UBAP2: variants seen among roughly 807,000 people sequenced by gnomAD.
The protein encoded by UBAP2 is ubiquitin-associated protein 2.
A neutral mutation model predicts 139.6 loss-of-function variants in UBAP2; 75 were observed. That is an observed-to-expected ratio of 0.54 (90% CI 0.45 to 0.65). UBAP2 has a LOEUF of 0.65. UBAP2 is among the 30% of genes least tolerant of loss of function. The probability of loss-of-function intolerance (pLI) is 0.00; values close to 1 mark genes in which losing one functional copy is unlikely to be tolerated. For missense variants in UBAP2, 1,368 were observed against 1,369.6 expected (o/e 1.00, Z 0.02); for synonymous variants, 526 against 526.2 (o/e 1.00, Z 0.01).
At chr9:33,936,948 A>C (rs941600418) in intron 16 of UBAP2, among the ~76,000 whole-genome samples, 2 of 146,500 alleles carry the variant, frequency 1.4e-5, no homozygotes, top group African/African-American at 4.9e-5. Flanking sequence ...AAAAAAAAAA[A>C]AAAACAGTCT....
chr9:34,009,806 CTTTT>C (rs201452836), intron 2 of UBAP2, among the ~76,000 whole-genome samples: 3 of 129,808 alleles, frequency 2.3e-5, no homozygotes, highest in Non-Finnish European at 1.7e-5. Context: ...CTTATATTTC[CTTTT>C]TTTTTTTTTT....
At position 33,932,857 on chromosome 9, in the gene UBAP2, G is replaced by A. The variant is rs77708484; in HGVS notation, c.2109-229C>T. Among the ~76,000 whole-genome samples the A allele has an allele frequency of 6.0e-3, 919 of 152,254 alleles. 7 individuals are homozygous for A. Among genetic ancestry groups the A allele is most frequent in the African/African-American group, 0.021 (867 of 41,544 alleles). On this transcript the variant is annotated intron_variant, in intron 18 of 28. Transcript: ENST00000379238. ...AACTCCAGAGCCAGCTTCCCTCAACGACATCCATTTGCTCCTCAGATGCGA... is the reference window on the plus strand; with the variant it reads ...AACTCCAGAGCCAGCTTCCCTCAACAACATCCATTTGCTCCTCAGATGCGA...
At chr9:33,929,300 G>A (rs539188129) in intron 19 of UBAP2, among the ~76,000 whole-genome samples, 1 of 152,272 alleles carries the variant, frequency 6.6e-6, no homozygotes, top group South Asian at 2.1e-4. Context: ...TTGCTGAAAG[G>A]GACTCAAGAG....
intron 3 of UBAP2, 177 bp from the exon 4 acceptor site, chr9:33,996,510 G>A (rs535799593): frequency 1.8e-4 from 96 of 532,062 alleles, no homozygotes; most frequent in African/African-American, 1.4e-3. Flanking sequence ...TTCCATGCAT[G>A]TCTTTTCACT....
intron 2 of UBAP2, among the ~76,000 whole-genome samples, chr9:34,002,560 T>C (rs1564056902): frequency 6.6e-6 from 1 of 151,994 alleles, no homozygotes. Flanking sequence ...GTATTTTTAG[T>C]AGAGAACGGG....
rs557318826 is a variant in UBAP2 at position 33,955,888 on chromosome 9, C to T, written c.866+191G>A. ...TGTCTGCAACAACTGCTAACAAATT[C>T]ATCAGTGGATACATCAATTAGAAAA... On this transcript the variant is annotated intron_variant, in intron 11 of 28. Coordinates refer to ENST00000379238, the MANE Select transcript of UBAP2 (RefSeq NM_001370062.2). 2.0e-5 allele frequency among the ~76,000 whole-genome samples: 3 copies of T among 150,470 alleles called. No homozygotes were observed. In the South Asian group the frequency reaches 6.3e-4, roughly 32 times the overall value.
Position 34,005,558 on chromosome 9 carries a change from A to AAT in UBAP2, c.100-6696_100-6695dup, listed in dbSNP as rs1243738098. 5.3e-5 allele frequency among the ~76,000 whole-genome samples: 8 copies of AAT among 152,274 alleles called. No individual in the cohort carries two copies. In the East Asian group the frequency reaches 1.5e-3, roughly 29 times the overall value. On this transcript the variant is annotated intron_variant, in intron 2 of 28. Coordinates refer to ENST00000379238, the MANE Select transcript of UBAP2 (RefSeq NM_001370062.2). The stretch of plus-strand genomic sequence containing the variant: ...TAAAGAAAGTCCTATCACATATGAA[A>AAT]ATGGAGTCTAAACTACAAGGAATAT...
chr9:34,030,721 T>C (rs768202555), intron 1 of UBAP2, among the ~76,000 whole-genome samples: 2 of 152,036 alleles, frequency 1.3e-5, no homozygotes, highest in Non-Finnish European at 2.9e-5. Context: ...GGTCAGGTGA[T>C]CGAGACCATC....
At chr9:33,959,465 C>T (rs900685677) in intron 10 of UBAP2, among the ~76,000 whole-genome samples, 8 of 152,082 alleles carry the variant, frequency 5.3e-5, no homozygotes, top group African/African-American at 1.9e-4. Flanking sequence ...TTATTATTTC[C>T]CTCTCAATGT....
At chr9:33,968,186 A>G (rs1827614834) in intron 8 of UBAP2, 5 of 613,940 alleles carry the variant, frequency 8.1e-6, no homozygotes, top group Non-Finnish European at 1.6e-5. Flanking sequence ...GGGTTTTGGG[A>G]TATTTGGTGC....
At position 34,008,724 on chromosome 9, in the gene UBAP2, T is replaced by C. The variant is rs1010668432; in HGVS notation, c.99+8326A>G. On this transcript the variant is annotated intron_variant, in intron 2 of 28. Coordinates refer to ENST00000379238, the MANE Select transcript of UBAP2 (RefSeq NM_001370062.2). ...GCTCCTGCCTGTAATCCCAGCACTTTGGTAGGCTGAGGCAGGCGGATCACA... is the reference window on the plus strand; with the variant it reads ...GCTCCTGCCTGTAATCCCAGCACTTCGGTAGGCTGAGGCAGGCGGATCACA... Among the ~76,000 whole-genome samples, 5 of 152,174 alleles carry C rather than the reference T, an allele frequency of 3.3e-5. No homozygotes were observed. In the South Asian group the frequency reaches 8.3e-4, roughly 25 times the overall value.
In UBAP2 at chr9:33,939,334, G is replaced by C. The variant is rs547443113; in HGVS notation, c.1929+2315C>G. Among the ~76,000 whole-genome samples the C allele has an allele frequency of 3.3e-5, 5 of 151,246 alleles. No homozygotes were observed. In the East Asian group the frequency reaches 7.9e-4, roughly 24 times the overall value. On this transcript the variant is annotated intron_variant, in intron 16 of 28. Transcript: ENST00000379238. ...ACTTCAGCCTCCCAAGTAGTAGCTG[G>C]GACTACAGGCACGCACTACCACATC... is the stretch of plus-strand genomic sequence containing the variant.
chr9:34,046,930 C>G (rs1031125803), intron 1 of UBAP2, among the ~76,000 whole-genome samples: 10 of 152,078 alleles, frequency 6.6e-5, no homozygotes, highest in Non-Finnish European at 1.0e-4. Flanking sequence ...GAAAGGGAAG[C>G]AGAGGTGTTA....
intron 1 of UBAP2, among the ~76,000 whole-genome samples, chr9:34,031,862 T>C (rs1825921436): frequency 6.6e-6 from 1 of 150,972 alleles, no homozygotes; most frequent in Non-Finnish European, 1.5e-5. Context: ...ATAGGCCAGG[T>C]GTGGTGGTTC....
intron 10 of UBAP2, among the ~76,000 whole-genome samples, chr9:33,960,028 C>T: frequency 6.6e-6 from 1 of 152,136 alleles, no homozygotes; most frequent in East Asian, 1.9e-4. Context: ...CTCCTGGGCT[C>T]AAGAGATCCT....
At chr9:33,975,129 CAG>C in intron 6 of UBAP2, among the ~76,000 whole-genome samples, 1 of 151,962 alleles carries the variant, frequency 6.6e-6, no homozygotes, top group Non-Finnish European at 1.5e-5. Context: ...AGTAAAAAAA[CAG>C]AAAATAACAA....
At chr9:34,035,238 C>CA (rs1163679392) in intron 1 of UBAP2, among the ~76,000 whole-genome samples, 4 of 151,848 alleles carry the variant, frequency 2.6e-5, no homozygotes, top group Middle Eastern at 3.2e-3. Flanking sequence ...CGCGGTGGCT[C>CA]ACGCCTGTAA....
chr9:34,019,478 A>G (rs552734111), intron 1 of UBAP2, among the ~76,000 whole-genome samples: 1 of 152,266 alleles, frequency 6.6e-6, no homozygotes, highest in East Asian at 1.9e-4. Flanking sequence ...AAATTCATAG[A>G]AACAAGTAGA....
chr9:33,959,839 A>G (rs190898364), intron 10 of UBAP2, among the ~76,000 whole-genome samples: 56 of 152,342 alleles, frequency 3.7e-4, no homozygotes, highest in Admixed American at 2.3e-3. Flanking sequence ...CTAAAGAATA[A>G]TAGTTCACAA....
Sources: gnomAD v4.1 joint callset for allele counts (sites outside exome capture counted in the v4.1 genomes callset) on GRCh38, gnomAD v4.1.1 for gene constraint, MANE v1.5 for transcripts, NCBI Gene and HGNC (gene_info 2026-07-23, HGNC 2026-07-21) for gene names.